The following OPRM1 variants were observed in gnomAD, a reference collection of about 807,000 sequenced individuals.
The protein encoded by OPRM1 is opioid receptor mu 1.
Under a neutral mutation model 31.8 loss-of-function variants are expected in OPRM1, and 27 were observed. The ratio of observed to expected loss-of-function variants is 0.85; its 90% CI spans 0.63 to 1.17. The LOEUF is 1.17. OPRM1 is among the 50% of genes most tolerant of loss of function. The probability of loss-of-function intolerance (pLI) is 0.00; values close to 1 mark genes in which losing one functional copy is unlikely to be tolerated. For synonymous variants in OPRM1, 196 were observed against 189.9 expected, an observed-to-expected ratio of 1.03 and a Z score of -0.26; for missense variants, 536 against 511.1, an observed-to-expected ratio of 1.05 and a Z score of -0.47.
chr6:154,016,926 G>T (rs1437969068), intron 1 of OPRM1, among the ~76,000 whole-genome samples: 1 of 152,064 alleles, frequency 6.6e-6, no homozygotes, highest in African/African-American at 2.4e-5. Flanking sequence ...ACCCACAATG[G>T]TTACTGATTG....
intron 1 of OPRM1, among the ~76,000 whole-genome samples, chr6:154,072,996 C>T (rs950191373): frequency 3.9e-5 from 6 of 152,128 alleles, no homozygotes; most frequent in African/African-American, 1.4e-4. Flanking sequence ...TATATATATC[C>T]TATTCTTTAA....
chr6:154,214,324 C>A (rs181721099), intron 3 of OPRM1: 12 of 1,191,596 alleles, frequency 1.0e-5, no homozygotes, highest in Admixed American at 5.0e-5. Context: ...ATTAGCCCCC[C>A]ACCCATTCAC....
chr6:154,058,122 C>T (rs1205999045), intron 1 of OPRM1, among the ~76,000 whole-genome samples: 2 of 152,234 alleles, frequency 1.3e-5, no homozygotes, highest in East Asian at 3.9e-4. Context: ...GTATTATTTT[C>T]TCAGCAATTT....
At chr6:154,022,090 A>G (rs1316522644) in intron 1 of OPRM1, among the ~76,000 whole-genome samples, 1 of 152,214 alleles carries the variant, frequency 6.6e-6, no homozygotes, top group Admixed American at 6.5e-5. Flanking sequence ...TCTTACCATT[A>G]AGTATGACGT....
intron 3 of OPRM1, among the ~76,000 whole-genome samples, chr6:154,095,552 A>G (rs886095657): frequency 6.6e-6 from 1 of 152,182 alleles, no homozygotes; most frequent in African/African-American, 2.4e-5. Flanking sequence ...AATGTTATTT[A>G]TACTTTTCAA....
chr6:154,192,318 C>CTGTGTGTT (rs374502866), intron 3 of OPRM1, among the ~76,000 whole-genome samples: 12,885 of 147,918 alleles, frequency 0.087, 975 homozygotes, highest in East Asian at 0.4. Flanking sequence ...CACGTGGTTA[C>CTGTGTGTT]TGTGTGTGTG....
chr6:154,144,368 T>G (rs578126899), intron 3 of OPRM1, among the ~76,000 whole-genome samples: 1 of 152,334 alleles, frequency 6.6e-6, no homozygotes, highest in Non-Finnish European at 1.5e-5. Context: ...CAAAAAAATT[T>G]ACAGACCAAT....
exon 4 of OPRM1, chr6:154,246,749 T>C: frequency 6.2e-7 from 1 of 1,613,892 alleles, no homozygotes; most frequent in Non-Finnish European, 8.5e-7. Context: ...CTCCGACTCA[T>C]CGTGAGAAAA....
intron 3 of OPRM1, among the ~76,000 whole-genome samples, chr6:154,198,631 TACACACACACACACAC>T: frequency 6.8e-6 from 1 of 146,802 alleles, no homozygotes; most frequent in Admixed American, 6.9e-5. Context: ...AAATATTACA[TACACACACACACACAC>T]ACACACACAC....
At chr6:154,083,155 A>G (rs1184287519) in intron 1 of OPRM1, among the ~76,000 whole-genome samples, 1 of 152,168 alleles carries the variant, frequency 6.6e-6, no homozygotes, top group Non-Finnish European at 1.5e-5. Context: ...CTCTCGTTCC[A>G]TTTCCTTTCC....
intron 3 of OPRM1, among the ~76,000 whole-genome samples, chr6:154,137,939 A>G (rs1404675317): frequency 6.6e-6 from 1 of 152,260 alleles, no homozygotes; most frequent in East Asian, 1.9e-4. Flanking sequence ...GTTCATGAAG[A>G]ATATTCAGAA....
At chr6:154,017,568 T>A (rs1470481719) in intron 1 of OPRM1, among the ~76,000 whole-genome samples, 1 of 152,086 alleles carries the variant, frequency 6.6e-6, no homozygotes, top group Non-Finnish European at 1.5e-5. Flanking sequence ...TCTCATGTGG[T>A]TATTCAAGGA....
At chr6:154,052,257 T>C (rs1466320094) in intron 1 of OPRM1, among the ~76,000 whole-genome samples, 1 of 152,154 alleles carries the variant, frequency 6.6e-6, no homozygotes, top group Non-Finnish European at 1.5e-5. Flanking sequence ...TGACAATTGA[T>C]AGGTGCAGCA....
At position 154,125,187 on chromosome 6, in the gene OPRM1, A is replaced by C. The variant is rs1797517753; in HGVS notation, c.*6466A>C. On this transcript the variant is annotated 3_prime_UTR_variant, in exon 4 of 4. Transcript: ENST00000330432. ...TAGATATATTTATATTTTTCAGATGATATATCTTCATTTTCGATTTTGAAA... is the reference window on the plus strand; with the variant it reads ...TAGATATATTTATATTTTTCAGATGCTATATCTTCATTTTCGATTTTGAAA... 6.6e-6 allele frequency among the ~76,000 whole-genome samples: 1 copy of C among 152,198 alleles called. No homozygotes were observed. Among genetic ancestry groups the C allele is most frequent in the African/African-American group, 2.4e-5 (1 of 41,464 alleles).
chr6:154,036,783 T>A (rs910015031), upstream of OPRM1, among the ~76,000 whole-genome samples: 1 of 151,930 alleles, frequency 6.6e-6, no homozygotes, highest in African/African-American at 2.4e-5. Context: ...TTTATGCCAT[T>A]ATCTGGGTAT....
intron 3 of OPRM1, among the ~76,000 whole-genome samples, chr6:154,176,920 T>C (rs1262722865): frequency 2.6e-5 from 4 of 152,076 alleles, no homozygotes; most frequent in Admixed American, 2.6e-4. Flanking sequence ...CAAAACAGCA[T>C]GACACTGGTA....
Position 154,202,081 on chromosome 6 carries a change from T to C in OPRM1, c.1165-44612T>C, listed in dbSNP as rs144858526. Among the ~76,000 whole-genome samples the C allele has an allele frequency of 6.8e-3, 1,040 of 152,334 alleles. 2 individuals are homozygous for C. Among genetic ancestry groups the C allele is most frequent in the Non-Finnish European group, 0.012 (788 of 68,026 alleles). On this transcript the variant is annotated intron_variant, in intron 3 of 3. Transcript: ENST00000337049. ...TTTGTAGATTCTGAGCTCTGAGTTT[T>C]GATGGGAGAAGCCAATATTTACCTA...
At chr6:154,229,154 C>T (rs924379545) in intron 3 of OPRM1, among the ~76,000 whole-genome samples, 1 of 152,338 alleles carries the variant, frequency 6.6e-6, no homozygotes, top group East Asian at 1.9e-4. Context: ...TGTTTGTCTG[C>T]TTCTCCAATG....
intron 3 of OPRM1, among the ~76,000 whole-genome samples, chr6:154,101,143 A>G (rs1794773094): frequency 6.6e-6 from 1 of 152,044 alleles, no homozygotes; most frequent in Non-Finnish European, 1.5e-5. Context: ...ACAACCAGAA[A>G]ATTCAGTGAA....
Sources: gnomAD v4.1 joint callset for allele counts (sites outside exome capture counted in the v4.1 genomes callset) on GRCh38, gnomAD v4.1.1 for gene constraint, MANE v1.5 for transcripts, NCBI Gene and HGNC (gene_info 2026-07-23, HGNC 2026-07-21) for gene names.